The following CUL4A variants were observed in gnomAD, a reference collection of about 807,000 sequenced individuals.
CUL4A encodes cullin-4A.
CUL4A carries 16 observed loss-of-function variants against 95.5 expected under a neutral mutation model. The observed-to-expected ratio is 0.17, with a 90% CI of 0.11 to 0.25. The LOEUF (loss-of-function observed/expected upper bound fraction) is 0.25, where lower values mean the gene tolerates loss of function less well. Ranked by LOEUF, CUL4A falls within the 10% of genes least tolerant of loss-of-function variation. The probability of loss-of-function intolerance (pLI) is 1.00; values close to 1 mark genes in which losing one functional copy is unlikely to be tolerated. For synonymous variants in CUL4A, 380 were observed against 353.1 expected, an observed-to-expected ratio of 1.08 and a Z score of -0.85; for missense variants, 610 against 937.0, an observed-to-expected ratio of 0.65 and a Z score of 4.56.
rs2042375615 is a variant in CUL4A, at chr13:113,265,082, A to G, written c.*1500A>G. On this transcript the variant is annotated 3_prime_UTR_variant, in exon 20 of 20. Coordinates refer to ENST00000375440, the MANE Select transcript of CUL4A (RefSeq NM_001008895.4). ...AAACTTTGTGATATGCAAATGACAC[A>G]TTCTTCATAACTCTTTAGCAGCTTT... 6.6e-6 allele frequency: 1 copy of G among 152,252 alleles called. No homozygotes were observed. The highest frequency in any genetic ancestry group is 2.1e-4 in the South Asian group (1 of 4,832). 9.4% of individuals were successfully genotyped at this position (152,252 alleles called of 1,614,324 possible).
At chr13:113,238,925 A>G (rs1458341481) in intron 9 of CUL4A, among the ~76,000 whole-genome samples, 1 of 152,268 alleles carries the variant, frequency 6.6e-6, no homozygotes, top group Non-Finnish European at 1.5e-5. Flanking sequence ...GAAAACCGTT[A>G]TAAATATTAA....
intron 2 of CUL4A, among the ~76,000 whole-genome samples, chr13:113,213,224 C>CA (rs1197107531): frequency 1.3e-5 from 2 of 152,184 alleles, no homozygotes; most frequent in South Asian, 2.1e-4. Context: ...CCCATCTCTA[C>CA]AAAAAATTTA....
chr13:113,211,488 G>T (rs577049428), intron 2 of CUL4A, among the ~76,000 whole-genome samples: 7 of 152,198 alleles, frequency 4.6e-5, no homozygotes, highest in Admixed American at 4.6e-4. Context: ...AGGTTCAAGC[G>T]ATTCTCCTGC....
chr13:113,236,970 TAGC>T (rs1170181999), intron 9 of CUL4A, 80 bp downstream of exon 9: 4 of 922,146 alleles, frequency 4.3e-6, no homozygotes, highest in Admixed American at 4.3e-5. Context: ...GCATTACAAA[TAGC>T]AGTGTTAGGA....
At chr13:113,244,901 C>A in intron 12 of CUL4A, 48 bp from the exon 13 acceptor site, 3 of 1,195,662 alleles carry the variant, frequency 2.5e-6, no homozygotes, top group Non-Finnish European at 3.7e-6. Context: ...TTAACATTTG[C>A]TTATCAACTC....
Position 113,260,211 on chromosome 13 carries a change from A to AAACAAAACAAAACAAAAC in CUL4A, c.2032-394_2032-393insCAAAACAAAACAAAACAA, listed in dbSNP as rs1555307265. On this transcript the variant is annotated intron_variant, in intron 18 of 19. Coordinates refer to ENST00000375440, the MANE Select transcript of CUL4A (RefSeq NM_001008895.4). ...AGAGTGAGACTCCGTCTCAAAAAAA[A>AAACAAAACAAAACAAAAC]AAAAAAAACCATTTCCCATCAAATT... Among the ~76,000 whole-genome samples the AAACAAAACAAAACAAAAC allele has an allele frequency of 1.4e-3, 163 of 119,526 alleles. 28 individuals are homozygous for AAACAAAACAAAACAAAAC. The highest frequency in any genetic ancestry group is 5.6e-3 in the African/African-American group (156 of 27,714). 78.4% of individuals were successfully genotyped at this position (119,526 alleles called of 152,430 possible).
intron 3 of CUL4A, among the ~76,000 whole-genome samples, chr13:113,224,914 G>C (rs759757519): frequency 1.3e-5 from 2 of 152,172 alleles, no homozygotes; most frequent in Non-Finnish European, 1.5e-5. Context: ...CGGTCTGTCC[G>C]GTCTGTCGGT....
At chr13:113,210,961 C>A (rs2139065899) in intron 2 of CUL4A, among the ~76,000 whole-genome samples, 1 of 152,324 alleles carries the variant, frequency 6.6e-6, no homozygotes, top group African/African-American at 2.4e-5. Flanking sequence ...ATGATGTTTT[C>A]TTACCAGCTT....
chr13:113,241,390 T>C (rs1436255697), intron 10 of CUL4A, among the ~76,000 whole-genome samples: 3 of 152,188 alleles, frequency 2.0e-5, no homozygotes, highest in Non-Finnish European at 2.9e-5. Flanking sequence ...TTGTAGTGTA[T>C]GTGCATTATT....
chr13:113,258,234 T>C (rs2042182084), intron 18 of CUL4A, among the ~76,000 whole-genome samples: 1 of 152,074 alleles, frequency 6.6e-6, no homozygotes, highest in African/African-American at 2.4e-5. Context: ...CAAGCAGTCT[T>C]CCTACCTTGA....
intron 10 of CUL4A, among the ~76,000 whole-genome samples, chr13:113,242,065 C>A (rs899743694): frequency 6.6e-6 from 1 of 151,952 alleles, no homozygotes; most frequent in African/African-American, 2.4e-5. Flanking sequence ...GCTTGTAATC[C>A]CACCACTTTG....
At chr13:113,252,116 C>T (rs2042009532) in intron 15 of CUL4A, among the ~76,000 whole-genome samples, 1 of 152,210 alleles carries the variant, frequency 6.6e-6, no homozygotes, top group African/African-American at 2.4e-5. Context: ...GAGTCACACA[C>T]AGCCTGCCCC....
chr13:113,233,969 T>C lies in CUL4A; in HGVS notation c.748T>C (p.Leu250=), dbSNP rs780751335. The change falls in exon 7 of 20, where the codon TTA becomes CTA. Residue 250 remains leucine, a synonymous_variant. Coordinates refer to ENST00000375440, the MANE Select transcript of CUL4A (RefSeq NM_001008895.4). The stretch of plus-strand genomic sequence containing the variant: ...CTTATATGCTGCCGAAGGCCAAAGG[T>C]TAATGCAGGAAAGAGAGGTGAGATG... The part of the protein sequence containing the change: ...NCLYAAEGQR[L]MQEREVPEYL... The C allele has an allele frequency of 1.2e-6, 2 of 1,610,462 alleles. No homozygotes were observed. The highest frequency in any genetic ancestry group is 1.7e-6 in the Non-Finnish European group (2 of 1,177,402).
At chr13:113,252,589 A>C (rs2042022093) in intron 15 of CUL4A, among the ~76,000 whole-genome samples, 1 of 152,228 alleles carries the variant, frequency 6.6e-6, no homozygotes, top group South Asian at 2.1e-4. Flanking sequence ...CTCGTGCTGC[A>C]CTTTCTGTGC....
At chr13:113,245,284 T>G (rs1350499947) in intron 14 of CUL4A, 47 bp downstream of exon 14, 4 of 1,526,098 alleles carry the variant, frequency 2.6e-6, no homozygotes, top group Non-Finnish European at 3.6e-6. Context: ...AAGTATCTGT[T>G]AGTGTGGTGG....
upstream of CUL4A, chr13:113,208,612 T>A (rs762729429): frequency 1.2e-6 from 2 of 1,607,500 alleles, no homozygotes; most frequent in Non-Finnish European, 1.7e-6. Context: ...CTGCAGGTAC[T>A]GGTTAATGGT....
chr13:113,223,424 C>G (rs561550611), intron 3 of CUL4A, among the ~76,000 whole-genome samples: 29 of 152,220 alleles, frequency 1.9e-4, no homozygotes, highest in Non-Finnish European at 3.4e-4. Flanking sequence ...GACGGAGTTT[C>G]GCTCTTAATT....
intron 15 of CUL4A, among the ~76,000 whole-genome samples, chr13:113,246,842 A>G (rs2041870606): frequency 6.6e-6 from 1 of 152,236 alleles, no homozygotes; most frequent in Non-Finnish European, 1.5e-5. Flanking sequence ...GACCCAGGGA[A>G]GACTGTCCAT....
chr13:113,236,465 C>T (rs1034279249), intron 8 of CUL4A, among the ~76,000 whole-genome samples: 3 of 152,180 alleles, frequency 2.0e-5, no homozygotes, highest in African/African-American at 4.8e-5. Context: ...GGCGGAATGT[C>T]GGCTCTGCCC....
Sources: gnomAD v4.1 joint callset for allele counts (sites outside exome capture counted in the v4.1 genomes callset) on GRCh38, gnomAD v4.1.1 for gene constraint, MANE v1.5 for transcripts, NCBI Gene and HGNC (gene_info 2026-07-23, HGNC 2026-07-21) for gene names.